TFCP2L1: variants seen among roughly 807,000 people sequenced by gnomAD.
The protein encoded by TFCP2L1 is transcription factor CP2 like 1.
Under a neutral mutation model 72.2 loss-of-function variants are expected in TFCP2L1, and 12 were observed. The ratio of observed to expected loss-of-function variants is 0.17; its 90% CI spans 0.11 to 0.27. The LOEUF (loss-of-function observed/expected upper bound fraction) is 0.27. Among genes scored for constraint, TFCP2L1 ranks in the 10% least tolerant of loss-of-function variants. The pLI is 1.00. For missense variants in TFCP2L1, 488 were observed against 624.6 expected (o/e 0.78, Z 2.33); for synonymous variants, 260 against 251.0 (o/e 1.04, Z -0.34).
chr2:121,257,447 C>T (rs1686750582), intron 2 of TFCP2L1, among the ~76,000 whole-genome samples: 2 of 152,198 alleles, frequency 1.3e-5, no homozygotes, highest in Non-Finnish European at 2.9e-5. Flanking sequence ...AACTTCTTAC[C>T]CCAATCTTAA....
chr2:121,243,152 C>G (rs564977330), intron 6 of TFCP2L1, among the ~76,000 whole-genome samples: 33 of 152,358 alleles, frequency 2.2e-4, no homozygotes, highest in African/African-American at 7.7e-4. Context: ...CCTTCTCGAC[C>G]TTGCTATGTA....
intron 7 of TFCP2L1, among the ~76,000 whole-genome samples, chr2:121,241,117 C>T (rs149266346): frequency 6.8e-4 from 103 of 152,332 alleles, no homozygotes; most frequent in Middle Eastern, 3.4e-3. Flanking sequence ...CACCACCAAT[C>T]AGTCAGCCTG....
chr2:121,242,108 A>AG (rs1191814715), intron 7 of TFCP2L1, among the ~76,000 whole-genome samples: 4 of 141,218 alleles, frequency 2.8e-5, no homozygotes, highest in Non-Finnish European at 4.5e-5. Context: ...AAAAAAAAAA[A>AG]GGGAACCTAA....
chr2:121,232,521 G>A (rs1180489213), intron 12 of TFCP2L1, among the ~76,000 whole-genome samples: 1 of 152,152 alleles, frequency 6.6e-6, no homozygotes, highest in African/African-American at 2.4e-5. Context: ...CCCCAGCCCA[G>A]TGACACCCAG....
At chr2:121,230,246 AC>A (rs1686113482) in intron 13 of TFCP2L1, among the ~76,000 whole-genome samples, 1 of 152,142 alleles carries the variant, frequency 6.6e-6, no homozygotes, top group Non-Finnish European at 1.5e-5. Flanking sequence ...ATCTCAGCTC[AC>A]TGCAACCTCT....
intron 2 of TFCP2L1, among the ~76,000 whole-genome samples, chr2:121,259,133 G>T (rs1686784298): frequency 1.3e-5 from 2 of 152,104 alleles, no homozygotes; most frequent in South Asian, 4.1e-4. Context: ...AGCTATTTGG[G>T]AAGCTTGGGA....
In TFCP2L1 at chr2:121,231,892, G is replaced by T. The variant is rs1438348226; in HGVS notation, c.1275C>A (p.Ser425=). 12 of 1,613,622 alleles carry T rather than the reference G, an allele frequency of 7.4e-6. No homozygotes were observed. The highest frequency in any genetic ancestry group is 1.0e-5 in the Non-Finnish European group (12 of 1,179,750). Residue 425 remains serine (S), a synonymous_variant, in exon 13 of 15, where the codon TCC becomes TCA. Coordinates refer to ENST00000263707, the MANE Select transcript of TFCP2L1 (RefSeq NM_014553.3). ...IEKIANLYSI[S]PQHIHRVYRQ... Reference sequence around the variant, plus strand: ...GGTAGACTCGGTGGATGTGCTGGGGGGAGATGCTGTACAGGTTGGCGATCT... The same window carrying T: ...GGTAGACTCGGTGGATGTGCTGGGGTGAGATGCTGTACAGGTTGGCGATCT...
Position 121,239,611 on chromosome 2 carries a change from G to C in TFCP2L1, c.807C>G (p.Ser269Arg). The change falls in exon 8 of 15, where the codon AGC (serine) becomes AGG (arginine). Residue 269 changes from serine to arginine, a missense_variant. Transcript: ENST00000263707. ...PWPDVAYQVN[S>R]APSPSYNGSP... is the part of the protein sequence containing the mutation. ...AACCATTGTAGCTTGGGGACGGGGC[G>C]CTGTTCACCTGGTAGGCCACGTCGG... is the stretch of plus-strand genomic sequence containing the variant. 1 of 1,614,192 alleles carries C rather than the reference G, an allele frequency of 6.2e-7. No individual in the cohort carries two copies. Among genetic ancestry groups the C allele is most frequent in the Non-Finnish European group, 8.5e-7 (1 of 1,180,016 alleles).
chr2:121,262,115 G>A (rs1329827813), intron 2 of TFCP2L1, among the ~76,000 whole-genome samples: 1 of 152,156 alleles, frequency 6.6e-6, no homozygotes, highest in African/African-American at 2.4e-5. Context: ...CTGGAATTGA[G>A]AGCAGCCTGA....
At chr2:121,261,065 C>G (rs1686822526) in intron 2 of TFCP2L1, among the ~76,000 whole-genome samples, 1 of 152,202 alleles carries the variant, frequency 6.6e-6, no homozygotes, top group Non-Finnish European at 1.5e-5. Flanking sequence ...CTGACCTTGT[C>G]TCTTGCACAT....
intron 13 of TFCP2L1, among the ~76,000 whole-genome samples, chr2:121,227,015 T>C (rs1204641115): frequency 6.6e-6 from 1 of 152,200 alleles, no homozygotes; most frequent in Non-Finnish European, 1.5e-5. Context: ...GAACCAGATG[T>C]GATGGAATCA....
chr2:121,238,698 C>T (rs1208603409), intron 8 of TFCP2L1, among the ~76,000 whole-genome samples: 1 of 151,954 alleles, frequency 6.6e-6, no homozygotes, highest in African/African-American at 2.4e-5. Context: ...TTCTTAACCC[C>T]CTTTTGTAGT....
At chr2:121,275,867 A>G (rs1558746774) in intron 2 of TFCP2L1, among the ~76,000 whole-genome samples, 1 of 152,340 alleles carries the variant, frequency 6.6e-6, no homozygotes, top group East Asian at 1.9e-4. Context: ...CACCGCGCCC[A>G]GTTGAGAAGG....
intron 4 of TFCP2L1, among the ~76,000 whole-genome samples, chr2:121,248,778 AC>A (rs1270214798): frequency 6.6e-6 from 1 of 152,078 alleles, no homozygotes; most frequent in Admixed American, 6.5e-5. Context: ...AATTCCACAG[AC>A]CTTTCTTTTC....
rs1685967927 is a variant in TFCP2L1 at position 121,223,605 on chromosome 2, C to T, written c.*736G>A. ...ATCCCCCTAACCTCCCCACAAAGGG[C>T]CTCAGAACTAATGTCTCTGAGAAAG... On this transcript the variant is annotated 3_prime_UTR_variant, in exon 15 of 15. Coordinates refer to ENST00000263707, the MANE Select transcript of TFCP2L1 (RefSeq NM_014553.3). The T allele has an allele frequency of 6.5e-6, 1 of 152,728 alleles. No homozygotes were observed. The highest frequency in any genetic ancestry group is 2.4e-5 in the African/African-American group (1 of 41,460). The allele number at this position is 152,728 out of a possible 1,614,324, so 9.5% of individuals were successfully genotyped here. A position where few individuals can be genotyped will look rare whatever the true frequency, so the allele number is the denominator to read the frequency against.
rs898940672 is a variant in TFCP2L1, at chr2:121,218,818, G to C, written c.*5523C>G. The C allele has an allele frequency of 1.3e-5, 2 of 152,400 alleles. No individual in the cohort carries two copies. Among genetic ancestry groups the C allele is most frequent in the Non-Finnish European group, 2.9e-5 (2 of 68,190 alleles). The allele number at this position is 152,400 out of a possible 1,614,324, so 9.4% of individuals were successfully genotyped here. A position where few individuals can be genotyped will look rare whatever the true frequency, so the allele number is the denominator to read the frequency against. ...TCAGATCTGTTAGCTGTGACCCATA[G>C]ATTGGGGGAGGGAGGAAAGCCAGGA... On this transcript the variant is annotated 3_prime_UTR_variant, in exon 15 of 15. Transcript: ENST00000263707.
At chr2:121,242,322 C>A (rs1469071950) in intron 7 of TFCP2L1, 37 bp downstream of exon 7, 2 of 1,577,298 alleles carry the variant, frequency 1.3e-6, no homozygotes, top group East Asian at 2.2e-5. Context: ...TGGTGGAAGA[C>A]CCTTGGAGGC....
chr2:121,240,847 T>G (rs1686353155), intron 7 of TFCP2L1, among the ~76,000 whole-genome samples: 1 of 152,148 alleles, frequency 6.6e-6, no homozygotes, highest in Non-Finnish European at 1.5e-5. Context: ...GGGAGGCAGG[T>G]GACTGACCTT....
intron 1 of TFCP2L1, among the ~76,000 whole-genome samples, chr2:121,284,513 G>C (rs1057051392): frequency 6.6e-6 from 1 of 152,206 alleles, no homozygotes; most frequent in East Asian, 1.9e-4. Flanking sequence ...GCGAACACGC[G>C]CAAGACCATC....
Sources: gnomAD v4.1 joint callset for allele counts (sites outside exome capture counted in the v4.1 genomes callset) on GRCh38, gnomAD v4.1.1 for gene constraint, MANE v1.5 for transcripts, NCBI Gene and HGNC (gene_info 2026-07-23, HGNC 2026-07-21) for gene names.